The following CALN1 variants were observed in gnomAD, a reference collection of about 807,000 sequenced individuals.
CALN1 encodes calneuron 1.
A neutral mutation model predicts 30.6 loss-of-function variants in CALN1; 17 were observed. The ratio of observed to expected loss-of-function variants is 0.56; its 90% CI spans 0.38 to 0.83. The LOEUF (loss-of-function observed/expected upper bound fraction) is 0.83, where lower values mean the gene tolerates loss of function less well. CALN1 is among the 40% of genes least tolerant of loss of function. CALN1 has a pLI of 0.00. For missense variants in CALN1, 291 were observed against 354.9 expected (o/e 0.82, Z 1.45); for synonymous variants, 156 against 131.4 (o/e 1.19, Z -1.28).
intron 3 of CALN1, among the ~76,000 whole-genome samples, chr7:72,174,449 T>C (rs913732544): frequency 1.3e-5 from 2 of 152,156 alleles, no homozygotes; most frequent in Non-Finnish European, 2.9e-5. Flanking sequence ...TCAAAGAAGC[T>C]TTATTACATT....
intron 5 of CALN1, among the ~76,000 whole-genome samples, chr7:71,950,239 C>A (rs978038668): frequency 6.6e-6 from 1 of 152,108 alleles, no homozygotes; most frequent in Non-Finnish European, 1.5e-5. Flanking sequence ...AGCCACAGCA[C>A]AAGTATGGGC....
At chr7:72,234,619 G>T (rs1377853560) in intron 3 of CALN1, among the ~76,000 whole-genome samples, 3 of 152,006 alleles carry the variant, frequency 2.0e-5, no homozygotes, top group Non-Finnish European at 2.9e-5. Context: ...GCTAATTTTT[G>T]TATTTTAGTA....
At chr7:72,323,915 A>C (rs1390120813) in intron 2 of CALN1, among the ~76,000 whole-genome samples, 2 of 151,886 alleles carry the variant, frequency 1.3e-5, no homozygotes, top group African/African-American at 4.8e-5. Context: ...GCTGTGGCAC[A>C]CGTCTATAGT....
chr7:72,220,691 C>G (rs1377064191), intron 3 of CALN1, among the ~76,000 whole-genome samples: 2 of 151,926 alleles, frequency 1.3e-5, no homozygotes, highest in Non-Finnish European at 1.5e-5. Flanking sequence ...TCTCCACATC[C>G]TCTCCAGCAC....
intron 6 of CALN1, among the ~76,000 whole-genome samples, chr7:71,809,799 A>C (rs1182976772): frequency 6.6e-6 from 1 of 151,962 alleles, no homozygotes; most frequent in Non-Finnish European, 1.5e-5. Flanking sequence ...TACTTGGTTA[A>C]GTTCATCAGA....
chr7:72,103,974 G>T (rs1178845642), intron 4 of CALN1: 1 of 152,310 alleles, frequency 6.6e-6, no homozygotes, highest in African/African-American at 2.4e-5. Context: ...GGTAGGGCAG[G>T]AAGATAATGC....
intron 2 of CALN1, among the ~76,000 whole-genome samples, chr7:72,303,961 A>C (rs948212783): frequency 3.3e-5 from 5 of 152,246 alleles, no homozygotes; most frequent in African/African-American, 9.6e-5. Flanking sequence ...TAGTAATCAT[A>C]TTCACAAAAT....
intron 4 of CALN1, among the ~76,000 whole-genome samples, chr7:72,027,400 C>G (rs1003271070): frequency 1.3e-5 from 2 of 152,070 alleles, no homozygotes; most frequent in Admixed American, 6.6e-5. Context: ...CTCAAGGACA[C>G]GAATCTATTT....
At chr7:72,281,667 A>G (rs946295043) in intron 2 of CALN1, among the ~76,000 whole-genome samples, 1 of 152,306 alleles carries the variant, frequency 6.6e-6, no homozygotes, top group African/African-American at 2.4e-5. Flanking sequence ...AAGACCCACT[A>G]AGGTCGGTAC....
At chr7:72,413,000 C>G (rs913104962), upstream of CALN1, among the ~76,000 whole-genome samples, 1 of 152,206 alleles carries the variant, frequency 6.6e-6, no homozygotes, top group South Asian at 2.1e-4. Flanking sequence ...TCACGCTAAG[C>G]CCACCTGGAG....
chr7:72,497,838 A>G, the CALN1 span, among the ~76,000 whole-genome samples: 2 of 152,204 alleles, frequency 1.3e-5, no homozygotes, highest in African/African-American at 2.4e-5. Context: ...CAGTTAATAA[A>G]TAGTATCCCC....
chr7:71,907,239 A>AACACACACACACACACACACACACAC (rs71531773), intron 5 of CALN1, among the ~76,000 whole-genome samples: 99 of 147,834 alleles, frequency 6.7e-4, no homozygotes, highest in Admixed American at 2.3e-3. Flanking sequence ...ATGAGGTTTA[A>AACACACACACACACACACACACACAC]ACACACACAC....
intron 5 of CALN1, among the ~76,000 whole-genome samples, chr7:71,879,513 G>T (rs1792444231): frequency 6.6e-6 from 1 of 152,226 alleles, no homozygotes; most frequent in Non-Finnish European, 1.5e-5. Context: ...AAAGAGCAGA[G>T]ATTGTGGGGT....
chr7:72,275,131 T>C (rs1585330523), intron 3 of CALN1, among the ~76,000 whole-genome samples: 1 of 151,530 alleles, frequency 6.6e-6, no homozygotes, highest in African/African-American at 2.4e-5. Context: ...GGCTGCAGGG[T>C]GGGGAGCTTG....
At chr7:71,891,718 C>T (rs751852625) in intron 5 of CALN1, among the ~76,000 whole-genome samples, 9 of 152,132 alleles carry the variant, frequency 5.9e-5, no homozygotes, top group Middle Eastern at 3.4e-3. Context: ...CCAAAGTGGG[C>T]AGATCACTTG....
intron 3 of CALN1, among the ~76,000 whole-genome samples, chr7:72,136,407 AAG>A (rs3030345): frequency 0.019 from 2,933 of 152,234 alleles, 85 homozygotes; most frequent in African/African-American, 0.066. Flanking sequence ...TAGAATTGAA[AAG>A]AGTTGGGGCC....
chr7:72,058,255 G>A (rs1302151378), intron 4 of CALN1, among the ~76,000 whole-genome samples: 1 of 147,198 alleles, frequency 6.8e-6, no homozygotes, highest in Admixed American at 6.8e-5. Context: ...AAAAGTGGGA[G>A]TAAATATCTC....
the CALN1 span, among the ~76,000 whole-genome samples, chr7:72,458,186 AAT>A: frequency 1.3e-5 from 1 of 77,700 alleles, no homozygotes; most frequent in Non-Finnish European, 2.7e-5. Flanking sequence ...TATTATATTT[AAT>A]ATATTATAAT....
chr7:71,925,645 T>A (rs1795231362), intron 5 of CALN1, among the ~76,000 whole-genome samples: 1 of 152,204 alleles, frequency 6.6e-6, no homozygotes, highest in Admixed American at 6.5e-5. Context: ...AGATTGGGTT[T>A]GCATCAGTTA....
Sources: allele counts gnomAD v4.1 joint callset (sites outside exome capture counted in the v4.1 genomes callset), GRCh38; gene constraint gnomAD v4.1.1; transcripts MANE v1.5; gene names NCBI Gene and HGNC (gene_info 2026-07-23, HGNC 2026-07-21).